The following TIAM2 variants were observed in gnomAD, a reference collection of about 807,000 sequenced individuals.
TIAM2 encodes TIAM Rac1 associated GEF 2, also known as rho guanine nucleotide exchange factor TIAM2.
In TIAM2, 80 loss-of-function variants were observed where a neutral mutation model predicts 152.9. The ratio of observed to expected loss-of-function variants is 0.52; its 90% CI spans 0.44 to 0.63. TIAM2 has a LOEUF of 0.63. Among genes scored for constraint, TIAM2 ranks in the 30% least tolerant of loss-of-function variants. TIAM2 has a pLI of 0.00. For missense variants in TIAM2, 1,965 were observed against 2,120.1 expected (o/e 0.93, Z 1.44); for synonymous variants, 804 against 838.0 (o/e 0.96, Z 0.70).
intron 1 of TIAM2, chr6:155,004,830 C>T (rs1778373486): frequency 6.5e-6 from 1 of 154,020 alleles, no homozygotes; most frequent in Admixed American, 6.5e-5. Flanking sequence ...GGTACCATTG[C>T]TTTGTAAATA....
intron 4 of TIAM2, among the ~76,000 whole-genome samples, chr6:155,134,092 T>G (rs1351423938): frequency 2.0e-5 from 3 of 152,192 alleles, no homozygotes; most frequent in African/African-American, 7.2e-5. Context: ...CCCTTGTTTC[T>G]GATTATTCGA....
At chr6:155,047,227 G>A (rs1354825578) in intron 1 of TIAM2, among the ~76,000 whole-genome samples, 1 of 152,138 alleles carries the variant, frequency 6.6e-6, no homozygotes, top group Non-Finnish European at 1.5e-5. Flanking sequence ...CAGGCTGTAT[G>A]TAGTGCAGTG....
chr6:154,996,140 A>G (rs1441579553), intron 1 of TIAM2, among the ~76,000 whole-genome samples: 2 of 152,232 alleles, frequency 1.3e-5, no homozygotes, highest in Non-Finnish European at 2.9e-5. Context: ...ATTTACCAAA[A>G]ACAGTTCAGA....
chr6:155,158,447 A>G (rs1780176801), intron 7 of TIAM2, among the ~76,000 whole-genome samples: 1 of 152,212 alleles, frequency 6.6e-6, no homozygotes, highest in Admixed American at 6.5e-5. Flanking sequence ...TCACAATGAA[A>G]GATAATGAAA....
chr6:155,205,182 TAAAAAAAAAAAAA>T (rs61272546), intron 14 of TIAM2, among the ~76,000 whole-genome samples: 8 of 40,524 alleles, frequency 2.0e-4, no homozygotes, highest in Non-Finnish European at 2.6e-4. Context: ...TATTAATTTC[TAAAAAAAAAAAAA>T]AAAAAAAAAA....
At chr6:155,101,228 A>G (rs1331617909) in intron 2 of TIAM2, among the ~76,000 whole-genome samples, 6 of 152,190 alleles carry the variant, frequency 3.9e-5, no homozygotes, top group Admixed American at 1.3e-4. Flanking sequence ...ATTCTCAGGC[A>G]GATACTTGGT....
At chr6:155,028,554 A>T (rs891742811) in intron 1 of TIAM2, among the ~76,000 whole-genome samples, 4 of 134,822 alleles carry the variant, frequency 3.0e-5, no homozygotes, top group African/African-American at 1.1e-4. Flanking sequence ...TACTACATAT[A>T]ATATATATAT....
Position 155,179,061 on chromosome 6 carries a change from AT to A in TIAM2, c.2548del (p.Tyr850MetfsTer8). 1 of 1,614,090 alleles carries A rather than the reference AT, an allele frequency of 6.2e-7. No individual in the cohort carries two copies. ...ACKMRQLEPS[H>X]YGLQLRKLVD... Reference sequence around the variant, plus strand: ...TAGATGAGGCAGTTGGAACCCAGCCATTATGGCCTACAGCTTCGAAAATTAG... The same window carrying A: ...TAGATGAGGCAGTTGGAACCCAGCCATATGGCCTACAGCTTCGAAAATTAG... On this transcript the variant is annotated frameshift_variant, in exon 11 of 27. Transcript: ENST00000682666. LOFTEE classifies it high-confidence loss of function.
At position 155,246,370 on chromosome 6, in the gene TIAM2, T is replaced by G. The variant is rs962535844; in HGVS notation, c.3652+639T>G. Among the ~76,000 whole-genome samples the G allele has an allele frequency of 5.3e-5, 8 of 152,264 alleles. 1 individual carries two copies. Among genetic ancestry groups the G allele is most frequent in the Admixed American group, 3.3e-4 (5 of 15,304 alleles). ...GCCCCACATTTAAAAAGTGGGGTCT[T>G]AGAGTGCTTCAAATGAGCAAGACCC... On this transcript the variant is annotated intron_variant, in intron 19 of 26. Coordinates refer to ENST00000682666, the MANE Select transcript of TIAM2 (RefSeq NM_012454.4).
chr6:155,119,843 A>T (rs1247078876), intron 2 of TIAM2, among the ~76,000 whole-genome samples: 1 of 152,226 alleles, frequency 6.6e-6, no homozygotes, highest in Non-Finnish European at 1.5e-5. Context: ...CACACACAAG[A>T]ATTTAGTTTC....
chr6:155,045,745 C>T (rs536880291), intron 1 of TIAM2, among the ~76,000 whole-genome samples: 7 of 151,664 alleles, frequency 4.6e-5, no homozygotes, highest in African/African-American at 1.7e-4. Flanking sequence ...TGCTTTTACC[C>T]CTGTGGGGAG....
intron 1 of TIAM2, among the ~76,000 whole-genome samples, chr6:155,037,434 A>G (rs1234101304): frequency 6.6e-6 from 1 of 152,008 alleles, no homozygotes; most frequent in Non-Finnish European, 1.5e-5. Context: ...AAAAATCCCC[A>G]CTTCCTCTCA....
At chr6:155,104,058 C>CCCCACACA (rs1778620589) in intron 2 of TIAM2, among the ~76,000 whole-genome samples, 1 of 60,320 alleles carries the variant, frequency 1.7e-5, no homozygotes, top group African/African-American at 7.6e-5. Flanking sequence ...CCCCACACCC[C>CCCCACACA]CACACACCCC....
intron 14 of TIAM2, among the ~76,000 whole-genome samples, chr6:155,189,761 CA>C (rs1156471537): frequency 6.6e-6 from 1 of 152,110 alleles, no homozygotes; most frequent in Admixed American, 6.5e-5. Flanking sequence ...AATTAGAGGT[CA>C]GAGGTGGGAT....
At chr6:154,996,823 CG>C (rs1278484443) in intron 1 of TIAM2, among the ~76,000 whole-genome samples, 1 of 152,134 alleles carries the variant, frequency 6.6e-6, no homozygotes, top group Non-Finnish European at 1.5e-5. Flanking sequence ...TTTGTTCCAC[CG>C]GATTTTACCT....
Position 155,186,069 on chromosome 6 carries a change from T to C in TIAM2, c.3064+2569T>C, listed in dbSNP as rs1023277131. Among the ~76,000 whole-genome samples, 4 of 151,834 alleles carry C rather than the reference T, an allele frequency of 2.6e-5. No homozygotes were observed. Among genetic ancestry groups the C allele is most frequent in the African/African-American group, 9.7e-5 (4 of 41,312 alleles). ...GGTTGAGGGGAAAAGAAAATAAGGG[T>C]AGGTGGGTGGATTAAAAGATAAAAG... On this transcript the variant is annotated intron_variant, in intron 14 of 26. Transcript: ENST00000682666. The surrounding 1 kb of genome is among the most constrained non-coding windows in gnomAD (Gnocchi z 4.5).
intron 1 of TIAM2, among the ~76,000 whole-genome samples, chr6:155,047,644 G>A (rs1777206808): frequency 6.7e-6 from 1 of 148,628 alleles, no homozygotes; most frequent in African/African-American, 2.5e-5. Flanking sequence ...TAAGGCAGGG[G>A]TGGGGGGAGA....
chr6:155,033,763 C>T lies in TIAM2; in HGVS notation c.-209+38271C>T, dbSNP rs552632496. Among the ~76,000 whole-genome samples the T allele has an allele frequency of 6.6e-5, 10 of 151,182 alleles. No homozygotes were observed. The East Asian group carries it at 1.9e-3, about 29-fold the overall frequency. The stretch of plus-strand genomic sequence containing the variant: ...ACAGAGTCTTGCTCTGTCACCCAGG[C>T]TTGAGTGCAGTGGTGCCATCTCGGC... On this transcript the variant is annotated intron_variant, in intron 1 of 26. Transcript: ENST00000682666.
chr6:155,179,396 G>A lies in TIAM2; in HGVS notation c.2647G>A (p.Val883Ile). ...TTTGCAGGTTTATGATGAAATAGAAGTCTTTCCACTAAATGTTTATGACGT... is the reference window on the plus strand; with the variant it reads ...TTTGCAGGTTTATGATGAAATAGAAATCTTTCCACTAAATGTTTATGACGT... The part of the protein sequence containing the change: ...MQQQVYDEIE[V>I]FPLNVYDVQL... The change falls in exon 12 of 27, where the codon GTC (valine) becomes ATC (isoleucine). Residue 883 changes from valine to isoleucine, a missense_variant. Transcript: ENST00000682666. 1 of 1,614,020 alleles carries A rather than the reference G, an allele frequency of 6.2e-7. No individual in the cohort carries two copies. The highest frequency in any genetic ancestry group is 8.5e-7 in the Non-Finnish European group (1 of 1,180,002).
Sources: gnomAD v4.1 joint callset for allele counts (sites outside exome capture counted in the v4.1 genomes callset) on GRCh38, gnomAD v4.1.1 for gene constraint, Gnocchi (gnomAD v3.1) non-coding constraint, MANE v1.5 for transcripts, NCBI Gene and HGNC (gene_info 2026-07-23, HGNC 2026-07-21) for gene names.